The following OTUD7A variants were observed in gnomAD, a reference collection of about 807,000 sequenced individuals.
The protein encoded by OTUD7A is OTU deubiquitinase 7A.
OTUD7A carries 12 observed loss-of-function variants against 65.7 expected under a neutral mutation model. That is an observed-to-expected ratio of 0.18 (90% CI 0.12 to 0.30). OTUD7A has a LOEUF of 0.30. Among genes scored for constraint, OTUD7A ranks in the 10% least tolerant of loss-of-function variants. OTUD7A has a pLI of 1.00. For missense variants in OTUD7A, 1,148 were observed against 1,304.8 expected, an observed-to-expected ratio of 0.88 and a Z score of 1.85; for synonymous variants, 641 against 586.3, an observed-to-expected ratio of 1.09 and a Z score of -1.35.
At chr15:31,769,952 T>C (rs1895190542) in intron 1 of OTUD7A, among the ~76,000 whole-genome samples, 1 of 152,196 alleles carries the variant, frequency 6.6e-6, no homozygotes. Flanking sequence ...AAGTCAATTT[T>C]GCGGTATGCC....
chr15:31,753,720 A>ATC (rs1567005082), intron 1 of OTUD7A, among the ~76,000 whole-genome samples: 1 of 69,472 alleles, frequency 1.4e-5, no homozygotes, highest in African/African-American at 5.8e-5. Context: ...ATATATATAT[A>ATC]TTATATATAT....
intron 6 of OTUD7A, among the ~76,000 whole-genome samples, chr15:31,528,442 G>C (rs953587653): frequency 6.6e-6 from 1 of 152,380 alleles, no homozygotes; most frequent in Non-Finnish European, 1.5e-5. Flanking sequence ...TGAGCCTCTG[G>C]AGAGTCTACA....
At chr15:31,788,123 T>C (rs1895721038) in intron 1 of OTUD7A, among the ~76,000 whole-genome samples, 2 of 152,206 alleles carry the variant, frequency 1.3e-5, no homozygotes, top group African/African-American at 4.8e-5. Flanking sequence ...TAAATTATAT[T>C]GATTCTAGGA....
chr15:31,746,110 T>C (rs1283758602), intron 1 of OTUD7A, among the ~76,000 whole-genome samples: 1 of 152,206 alleles, frequency 6.6e-6, no homozygotes, highest in East Asian at 1.9e-4. Flanking sequence ...TGCCACTCAT[T>C]TGGAAAAAGA....
At chr15:31,620,187 T>A (rs1472466068) in intron 3 of OTUD7A, among the ~76,000 whole-genome samples, 2 of 152,302 alleles carry the variant, frequency 1.3e-5, no homozygotes, top group African/African-American at 2.4e-5. Context: ...TATTGAGGAT[T>A]TTTGCATCGA....
chr15:31,510,380 T>A (rs1045886354), intron 8 of OTUD7A, among the ~76,000 whole-genome samples: 1 of 149,840 alleles, frequency 6.7e-6, no homozygotes, highest in Non-Finnish European at 1.5e-5. Context: ...TGTTTTTGCT[T>A]TTTTTTTTCC....
rs770229460 is a variant in OTUD7A, at chr15:31,527,288, G to A, written c.673C>T (p.Arg225Trp). The change falls in exon 7 of 13, where the codon CGG (arginine) becomes TGG (tryptophan). Residue 225 changes from arginine to tryptophan, a missense_variant. Physicochemically the swap from Arg to Trp is moderately radical, Grantham distance 101 (BLOSUM62 -3). Transcript: ENST00000307050. ...AGAGCTTTCCGTAACACCAGGTCCCGGTCGTGAAACCCCCACATTCCTGGA... is the reference window on the plus strand; with the variant it reads ...AGAGCTTTCCGTAACACCAGGTCCCAGTCGTGAAACCCCCACATTCCTGGA... Reference protein sequence around the residue: ...ASLGMWGFHDRDLVLRKALYT... With the variant: ...ASLGMWGFHDWDLVLRKALYT... 2 of 1,614,090 alleles carry A rather than the reference G, an allele frequency of 1.2e-6. No individual in the cohort carries two copies. Among genetic ancestry groups the A allele is most frequent in the Non-Finnish European group, 1.7e-6 (2 of 1,179,982 alleles).
rs747816795 is a variant in OTUD7A at position 31,484,446 on chromosome 15, C to T, written c.1650G>A (p.Met550Ile). 12 of 1,604,084 alleles carry T rather than the reference C, an allele frequency of 7.5e-6. No individual in the cohort carries two copies. Among genetic ancestry groups the T allele is most frequent in the South Asian group, 1.1e-5 (1 of 91,080 alleles). The change falls in exon 13 of 13, where the codon ATG (methionine) becomes ATA (isoleucine). Residue 550 changes from methionine (M) to isoleucine (I), a missense_variant. Coordinates refer to ENST00000307050, the MANE Select transcript of OTUD7A (RefSeq NM_001382637.1). The surrounding 1 kb of genome is among the most constrained non-coding windows in gnomAD (Gnocchi z 4.5). ...TGCCATTGGCGGAGTTGGCGCGGCC[C>T]ATCTTGCCGTGCACCAGGCCGCCGA... is the stretch of plus-strand genomic sequence containing the variant. ...GGLGGLVHGK[M>I]GRANSANGKN...
intron 1 of OTUD7A, among the ~76,000 whole-genome samples, chr15:31,667,043 C>A (rs1486536398): frequency 1.3e-5 from 2 of 152,076 alleles, no homozygotes; most frequent in Non-Finnish European, 2.9e-5. Flanking sequence ...CATTTTGAGG[C>A]CTATCATATG....
Position 31,585,023 on chromosome 15 carries a change from G to C in OTUD7A, c.152-14826C>G, listed in dbSNP as rs536204404. 2.2e-4 allele frequency among the ~76,000 whole-genome samples: 34 copies of C among 152,326 alleles called. No individual in the cohort carries two copies. The South Asian group carries it at 6.9e-3, about 31-fold the overall frequency. On this transcript the variant is annotated intron_variant, in intron 3 of 12. Transcript: ENST00000307050. ...GGCAAATGAACAAAACTCAAGATGG[G>C]TTTGGTGACTTGGAGGACATTGCGC...
rs147569733 is a variant in OTUD7A, at chr15:31,588,352, C to A, written c.152-18155G>T. ...GCAACATATTGACTACAGGTGCAGA[C>A]ATGCATGGCAACACGCTAAGGGAAA... On this transcript the variant is annotated intron_variant, in intron 3 of 12. Transcript: ENST00000307050. Among the ~76,000 whole-genome samples, 414 of 152,266 alleles carry A rather than the reference C, an allele frequency of 2.7e-3. 2 individuals carry two copies. Among genetic ancestry groups the A allele is most frequent in the African/African-American group, 9.5e-3 (396 of 41,544 alleles).
At chr15:31,780,464 C>T (rs1026192414) in intron 1 of OTUD7A, among the ~76,000 whole-genome samples, 1 of 152,136 alleles carries the variant, frequency 6.6e-6, no homozygotes, top group Admixed American at 6.5e-5. Context: ...CTACTCAATA[C>T]TTAGAAGCGC....
chr15:31,799,355 G>C (rs141949605), intron 1 of OTUD7A, among the ~76,000 whole-genome samples: 84 of 152,334 alleles, frequency 5.5e-4, no homozygotes, highest in Non-Finnish European at 9.7e-4. Context: ...CTAAGTGGTG[G>C]ATCTGGGGCT....
chr15:31,629,350 T>A (rs1214798426), intron 3 of OTUD7A, among the ~76,000 whole-genome samples: 1 of 152,236 alleles, frequency 6.6e-6, no homozygotes, highest in Non-Finnish European at 1.5e-5. Context: ...ATTGAGATAA[T>A]CATGTGGTTT....
At chr15:31,513,161 A>G (rs1046278852) in intron 8 of OTUD7A, among the ~76,000 whole-genome samples, 3 of 152,218 alleles carry the variant, frequency 2.0e-5, no homozygotes, top group Admixed American at 6.5e-5. Context: ...ATGAGCCACC[A>G]CATCCAACCC....
chr15:31,744,815 A>G (rs1216429950), intron 1 of OTUD7A, among the ~76,000 whole-genome samples: 1 of 152,136 alleles, frequency 6.6e-6, no homozygotes, highest in East Asian at 1.9e-4. Flanking sequence ...AAATGCATTT[A>G]GTAAGGCTGC....
intron 1 of OTUD7A, among the ~76,000 whole-genome samples, chr15:31,816,851 T>C (rs142647788): frequency 6.6e-6 from 1 of 152,364 alleles, no homozygotes; most frequent in Non-Finnish European, 1.5e-5. Context: ...CACTCATGCC[T>C]GCGTGTCCCA....
At chr15:31,820,328 G>A (rs1316535198) in intron 1 of OTUD7A, among the ~76,000 whole-genome samples, 1 of 152,176 alleles carries the variant, frequency 6.6e-6, no homozygotes, top group Non-Finnish European at 1.5e-5. Flanking sequence ...AAAGTTTCAA[G>A]TAATAAAGTC....
At chr15:31,757,263 G>T (rs1894841699) in intron 1 of OTUD7A, among the ~76,000 whole-genome samples, 2 of 151,996 alleles carry the variant, frequency 1.3e-5, no homozygotes, top group Non-Finnish European at 2.9e-5. Context: ...GTTTGGGGAA[G>T]TTACTTCATC....
Sources: gnomAD v4.1 joint callset for allele counts (sites outside exome capture counted in the v4.1 genomes callset) on GRCh38, gnomAD v4.1.1 for gene constraint, Gnocchi (gnomAD v3.1) non-coding constraint, MANE v1.5 for transcripts, NCBI Gene and HGNC (gene_info 2026-07-23, HGNC 2026-07-21) for gene names.